PSMA6: variants seen among roughly 807,000 people sequenced by gnomAD.
PSMA6 encodes the protein proteasome 20S subunit alpha 6.
For missense variants in PSMA6, 170 were observed against 294.8 expected, an observed-to-expected ratio of 0.58 and a Z score of 3.10; for synonymous variants, 88 against 97.7, an observed-to-expected ratio of 0.90 and a Z score of 0.59.
In PSMA6 at chr14:35,317,341, C is replaced by CT. The variant is rs1431978986; in HGVS notation, c.*37dup. The CT allele has an allele frequency of 3.2e-6, 5 of 1,557,872 alleles. No individual in the cohort carries two copies. The highest frequency in any genetic ancestry group is 4.4e-6 in the Non-Finnish European group (5 of 1,130,896). On this transcript the variant is annotated 3_prime_UTR_variant, in exon 7 of 7. Coordinates refer to ENST00000261479, the MANE Select transcript of PSMA6 (RefSeq NM_002791.3). ...TTAGTTTACCAGATCCGTGATGCCA[C>CT]TTACCTGTGTGTTTGGTAACAACAA...
chr14:35,316,574 A>G (rs1242384787), intron 6 of PSMA6: 1 of 152,002 alleles, frequency 6.6e-6, no homozygotes, highest in Non-Finnish European at 1.5e-5. Flanking sequence ...CTACATATAA[A>G]TGTATTTTGA....
chr14:35,294,569 G>T (rs2051546937), intron 1 of PSMA6, among the ~76,000 whole-genome samples: 1 of 152,156 alleles, frequency 6.6e-6, no homozygotes, highest in Non-Finnish European at 1.5e-5. Context: ...CCAAAGTTGG[G>T]CTCATAATAA....
In PSMA6 at chr14:35,314,601, A is replaced by G. The variant is rs567130479; in HGVS notation, c.683+146A>G. On this transcript the variant is annotated intron_variant, in intron 6 of 6. Coordinates refer to ENST00000261479, the MANE Select transcript of PSMA6 (RefSeq NM_002791.3). ...TTTGTTTTTTTCCCCAGCACCTGAG[A>G]TCTGTTTTTAAAACTTTGGACTCTA... is the stretch of plus-strand genomic sequence containing the variant. 2.3e-5 allele frequency: 25 copies of G among 1,106,354 alleles called. No homozygotes were observed. The African/African-American group carries it at 2.7e-4, about 12-fold the overall frequency. 68.5% of individuals were successfully genotyped at this position (1,106,354 alleles called of 1,614,324 possible).
rs565916332 is a variant in PSMA6, at chr14:35,309,039, C to G, written c.253+44C>G. 7 of 1,331,188 alleles carry G rather than the reference C, an allele frequency of 5.3e-6. No homozygotes were observed. In the South Asian group the frequency reaches 7.8e-5, roughly 15 times the overall value. The allele number at this position is 1,331,188 out of a possible 1,614,324, so 82.5% of individuals were successfully genotyped here. On this transcript the variant is annotated intron_variant, in intron 3 of 6. Transcript: ENST00000261479. ...TACAAGACATCTGTAGATATACAAG[C>G]CTTTTGTTATTTTCTTCAAATTATT...
upstream of PSMA6, among the ~76,000 whole-genome samples, chr14:35,288,385 C>T (rs1420884303): frequency 6.6e-6 from 1 of 152,194 alleles, no homozygotes; most frequent in Non-Finnish European, 1.5e-5. Context: ...GTAATTCCAG[C>T]TCCTTGGGAG....
Position 35,313,070 on chromosome 14 carries a change from C to T in PSMA6, c.588+11C>T. 6.4e-7 allele frequency: 1 copy of T among 1,556,424 alleles called. No individual in the cohort carries two copies. The highest frequency in any genetic ancestry group is 8.6e-7 in the Non-Finnish European group (1 of 1,162,294). ...GAACAGACAGTGGAAGTAAGTCAAC[C>T]AAAAGGAGCTGACTTTTTTTATGCT... On this transcript the variant is annotated intron_variant, in intron 5 of 6. Coordinates refer to ENST00000261479, the MANE Select transcript of PSMA6 (RefSeq NM_002791.3).
intron 2 of PSMA6, 190 bp from the exon 3 acceptor site, chr14:35,308,724 G>T: frequency 2.0e-6 from 1 of 489,062 alleles, no homozygotes. Context: ...GGTAAATAGA[G>T]CCCCTCGAAA....
intron 1 of PSMA6, among the ~76,000 whole-genome samples, chr14:35,296,625 C>T (rs1482831880): frequency 6.6e-6 from 1 of 152,000 alleles, no homozygotes; most frequent in African/African-American, 2.4e-5. Flanking sequence ...CACCATGCCC[C>T]GCCTTCAATT....
At chr14:35,303,403 C>T (rs182358128) in intron 1 of PSMA6, among the ~76,000 whole-genome samples, 2 of 152,240 alleles carry the variant, frequency 1.3e-5, no homozygotes, top group Admixed American at 6.5e-5. Flanking sequence ...TGTTTTCTGG[C>T]AGCTATTGTT....
intron 4 of PSMA6, among the ~76,000 whole-genome samples, chr14:35,312,193 G>A (rs529340771): frequency 8.7e-6 from 1 of 114,668 alleles, no homozygotes; most frequent in African/African-American, 3.6e-5. Flanking sequence ...GCGAGTCCTC[G>A]TCTCCTAAAA....
intron 4 of PSMA6, 71 bp from the exon 5 acceptor site, chr14:35,312,810 A>T: frequency 7.2e-7 from 1 of 1,379,970 alleles, no homozygotes; most frequent in East Asian, 2.6e-5. Flanking sequence ...CAGCTATGTG[A>T]CACCACCAAG....
upstream of PSMA6, among the ~76,000 whole-genome samples, chr14:35,291,746 T>G (rs1440715037): frequency 7.0e-6 from 1 of 142,476 alleles, no homozygotes; most frequent in African/African-American, 2.7e-5. Context: ...TCGCTTGAAC[T>G]CAGGAGGGGG....
At chr14:35,299,959 A>AT (rs1423495596) in intron 1 of PSMA6, among the ~76,000 whole-genome samples, 4 of 152,212 alleles carry the variant, frequency 2.6e-5, no homozygotes, top group Non-Finnish European at 4.4e-5. Context: ...CCAGATGAAG[A>AT]TTAAATAAGG....
chr14:35,304,469 A>G (rs1464718530), intron 1 of PSMA6, among the ~76,000 whole-genome samples: 16 of 151,950 alleles, frequency 1.1e-4, no homozygotes, highest in Admixed American at 1.0e-3. Context: ...GGTCGCTCAC[A>G]CCTGTAATCC....
chr14:35,313,805 A>T (rs1018003516), intron 5 of PSMA6: 14 of 152,348 alleles, frequency 9.2e-5, no homozygotes, highest in African/African-American at 3.4e-4. Context: ...TGAAAAATAC[A>T]AAAATTAGCC....
At chr14:35,296,052 C>T (rs1021578267) in intron 1 of PSMA6, among the ~76,000 whole-genome samples, 1 of 152,026 alleles carries the variant, frequency 6.6e-6, no homozygotes, top group Non-Finnish European at 1.5e-5. Flanking sequence ...CTGGTTGCTA[C>T]AAAGAAGGGA....
intron 1 of PSMA6, among the ~76,000 whole-genome samples, chr14:35,301,486 G>T (rs1230229652): frequency 6.7e-6 from 1 of 149,578 alleles, no homozygotes; most frequent in Non-Finnish European, 1.5e-5. Flanking sequence ...CAGCCTGAGT[G>T]ACAGAGTGAG....
intron 1 of PSMA6, among the ~76,000 whole-genome samples, chr14:35,305,464 G>C (rs2051804815): frequency 6.6e-6 from 1 of 152,198 alleles, no homozygotes; most frequent in Non-Finnish European, 1.5e-5. Context: ...GATTTTTCTA[G>C]AATCATTTTT....
At chr14:35,279,666 ATGTTT>A (rs1197469242) in intron 1 of PSMA6, among the ~76,000 whole-genome samples, 2 of 152,230 alleles carry the variant, frequency 1.3e-5, no homozygotes, top group African/African-American at 4.8e-5. Context: ...TGGTCAGGCC[ATGTTT>A]TTGAAGAGAA....
Sources: gnomAD v4.1 joint callset for allele counts (sites outside exome capture counted in the v4.1 genomes callset) on GRCh38, gnomAD v4.1.1 for gene constraint, MANE v1.5 for transcripts, NCBI Gene and HGNC (gene_info 2026-07-23, HGNC 2026-07-21) for gene names.